BAHD1: variants seen among roughly 807,000 people sequenced by gnomAD.
BAHD1 encodes bromo adjacent homology domain-containing 1 protein.
Under a neutral mutation model 63.1 loss-of-function variants are expected in BAHD1, and 20 were observed. That is an observed-to-expected ratio of 0.32 (90% CI 0.22 to 0.46). BAHD1 has a LOEUF of 0.46. Ranked by LOEUF, BAHD1 falls within the 20% of genes least tolerant of loss-of-function variation. The pLI is 1.00. For missense variants in BAHD1, 939 were observed against 1,071.8 expected (o/e 0.88, Z 1.73); for synonymous variants, 408 against 426.8 (o/e 0.96, Z 0.54).
At chr15:40,461,247 G>A (rs1002210270) in intron 2 of BAHD1, among the ~76,000 whole-genome samples, 4 of 152,146 alleles carry the variant, frequency 2.6e-5, no homozygotes, top group Non-Finnish European at 5.9e-5. Context: ...TTGCTCTGAG[G>A]GGCAGAGTGA....
chr15:40,443,530 C>T (rs1893459029), intron 1 of BAHD1, among the ~76,000 whole-genome samples: 1 of 152,160 alleles, frequency 6.6e-6, no homozygotes, highest in African/African-American at 2.4e-5. Flanking sequence ...AATAGCATTT[C>T]CCTCTTTGGT....
intron 5 of BAHD1, chr15:40,465,089 G>T: frequency 1.9e-6 from 1 of 538,962 alleles, no homozygotes; most frequent in Non-Finnish European, 3.3e-6. Flanking sequence ...GCTGGGGTTT[G>T]GGAGGTCAGT....
In BAHD1 at chr15:40,448,655, G is replaced by GTAGTC. The variant is rs1893615007; in HGVS notation, c.-15+7387_-15+7388insTAGTC. Among the ~76,000 whole-genome samples, 3 of 152,078 alleles carry GTAGTC rather than the reference G, an allele frequency of 2.0e-5. No individual in the cohort carries two copies. The South Asian group carries it at 6.2e-4, about 32-fold the overall frequency. On this transcript the variant is annotated intron_variant, in intron 1 of 6. Coordinates refer to ENST00000416165, the MANE Select transcript of BAHD1 (RefSeq NM_014952.5). Reference sequence around the variant, plus strand: ...GGGCTCAAGTGATCCTCCCACCTCAGCCTCCTAAGTAGCTGGGACTACAGG... The same window carrying GTAGTC: ...GGGCTCAAGTGATCCTCCCACCTCAGTAGTCCCTCCTAAGTAGCTGGGACTACAGG...
At chr15:40,446,760 G>C (rs1893551187) in intron 1 of BAHD1, among the ~76,000 whole-genome samples, 1 of 152,144 alleles carries the variant, frequency 6.6e-6, no homozygotes, top group Non-Finnish European at 1.5e-5. Flanking sequence ...GTGGGTTTGG[G>C]GAAAAGAGGT....
At chr15:40,439,863 C>CGT (rs1426245799), upstream of BAHD1, 1 of 152,304 alleles carries the variant, frequency 6.6e-6, no homozygotes, top group African/African-American at 2.4e-5. Context: ...GCCTGCTGTG[C>CGT]CCACCCACCC....
In BAHD1 at chr15:40,464,544, C is replaced by T. The variant is rs749985434; in HGVS notation, c.2049C>T (p.His683=). The change falls in exon 5 of 7, where the codon CAC becomes CAT. Residue 683 remains histidine, a synonymous_variant. Coordinates refer to ENST00000416165, the MANE Select transcript of BAHD1 (RefSeq NM_014952.5). ...HLQGGRSPSM[H]EPLQNEVFAS... Reference sequence around the variant, plus strand: ...AGGGAGGCCGCAGTCCCAGCATGCACGAGGTGAGCTGCCTGGCAGATGGGT... The same window carrying T: ...AGGGAGGCCGCAGTCCCAGCATGCATGAGGTGAGCTGCCTGGCAGATGGGT... The T allele has an allele frequency of 5.6e-5, 91 of 1,612,578 alleles. No homozygotes were observed. Among genetic ancestry groups the T allele is most frequent in the Non-Finnish European group, 7.1e-5 (84 of 1,179,412 alleles).
In BAHD1 at chr15:40,461,587, C is replaced by CCAAG. The variant is rs538076858; in HGVS notation, c.1433-324_1433-321dup. Among the ~76,000 whole-genome samples the CCAAG allele has an allele frequency of 2.6e-3, 390 of 152,034 alleles. 3 individuals carry two copies. The highest frequency in any genetic ancestry group is 9.1e-3 in the African/African-American group (377 of 41,490). On this transcript the variant is annotated intron_variant, in intron 2 of 6. Transcript: ENST00000416165. ...CCCGAGAGGCGGAGGTTGCAGTGAG[C>CCAAG]CAAGATAGCACCACTGCACTCTAGC...
intron 4 of BAHD1, 101 bp downstream of exon 4, chr15:40,464,121 C>A: frequency 7.4e-6 from 10 of 1,345,656 alleles, no homozygotes; most frequent in Middle Eastern, 2.6e-4. Flanking sequence ...GCGTGAGTCT[C>A]CCCGTGTTCC....
rs767356263 is a variant in BAHD1 at position 40,458,509 on chromosome 15, C to T, written c.45C>T (p.Gly15=). 3.1e-6 allele frequency: 5 copies of T among 1,610,388 alleles called. No homozygotes were observed. The East Asian group carries it at 8.9e-5, about 29-fold the overall frequency. Residue 15 remains glycine (G), a synonymous_variant, in exon 2 of 7, where the codon GGC becomes GGT. Coordinates refer to ENST00000416165, the MANE Select transcript of BAHD1 (RefSeq NM_014952.5). This position sits in a 1 kb window ranked among gnomAD's most constrained non-coding sequence, Gnocchi z 4.7. ...AGTCCCTTCCCATGCTGAGTTCGGGCCTCACTGGCCGCCGAGAGCCCCTGC... is the reference window on the plus strand; with the variant it reads ...AGTCCCTTCCCATGCTGAGTTCGGGTCTCACTGGCCGCCGAGAGCCCCTGC... The part of the protein sequence containing the change: ...RRKSLPMLSS[G]LTGRREPLQM...
chr15:40,452,050 A>T (rs1248045793), intron 1 of BAHD1, among the ~76,000 whole-genome samples: 1 of 152,190 alleles, frequency 6.6e-6, no homozygotes, highest in Non-Finnish European at 1.5e-5. Flanking sequence ...TAGATATGAG[A>T]GGTATACTCT....
In BAHD1 at chr15:40,459,539, G is replaced by C; in HGVS notation, c.1075G>C (p.Gly359Arg). ...TPQLSPLPMP[G>R]NPADYNGLCV... ...TCAGCTGTCGCCGCTGCCGATGCCT[G>C]GCAACCCCGCCGACTACAATGGCCT... is the stretch of plus-strand genomic sequence containing the variant. The change falls in exon 2 of 7, where the codon GGC (glycine) becomes CGC (arginine). Residue 359 changes from glycine to arginine, a missense_variant. Gly to Arg is a moderately radical substitution (Grantham distance 125). This residue lies in a region of BAHD1 where 797 missense variants were observed against 813.3 expected (regional missense o/e 0.98). Coordinates refer to ENST00000416165, the MANE Select transcript of BAHD1 (RefSeq NM_014952.5). 1.2e-6 allele frequency: 2 copies of C among 1,614,124 alleles called. No homozygotes were observed. Among genetic ancestry groups the C allele is most frequent in the Non-Finnish European group, 1.7e-6 (2 of 1,180,022 alleles).
At chr15:40,457,802 G>A (rs1893892403) in intron 1 of BAHD1, among the ~76,000 whole-genome samples, 1 of 152,222 alleles carries the variant, frequency 6.6e-6, no homozygotes, top group African/African-American at 2.4e-5. Context: ...GAGGTCAGGA[G>A]ATCGAGACCA....
chr15:40,462,182 G>C lies in BAHD1; in HGVS notation c.1703G>C (p.Ser568Thr). ...AGGAGCAAGGCTGCCCGCAGGCCTA[G>C]CCACCCCAAGCAGCCACGTGTCCAG... is the stretch of plus-strand genomic sequence containing the variant. ...TARSKAARRP[S>T]HPKQPRVQRP... Residue 568 changes from serine to threonine, a missense_variant, in exon 3 of 7, where the codon AGC (serine) becomes ACC (threonine). By Grantham distance (58) the Ser-to-Thr change is moderately conservative (BLOSUM62 1). Around this residue, in one of 5 missense-constraint regions of BAHD1, gnomAD observed 797 missense variants for 813.3 expected, o/e 0.98. Coordinates refer to ENST00000416165, the MANE Select transcript of BAHD1 (RefSeq NM_014952.5). 6.2e-7 allele frequency: 1 copy of C among 1,612,252 alleles called. No individual in the cohort carries two copies. The highest frequency in any genetic ancestry group is 8.5e-7 in the Non-Finnish European group (1 of 1,179,922).
At position 40,459,725 on chromosome 15, in the gene BAHD1, T is replaced by C. The variant is rs773282258; in HGVS notation, c.1261T>C (p.Ser421Pro). ...HEEGLLLAPSSVPSGTPFQHP... is the reference protein window; with the variant it reads ...HEEGLLLAPSPVPSGTPFQHP... ...GGAGGGGCTCCTCTTAGCTCCGAGC[T>C]CAGTGCCCTCAGGCACCCCTTTCCA... The change falls in exon 2 of 7, where the codon TCA (serine) becomes CCA (proline). Residue 421 changes from serine (S) to proline (P), a missense_variant. Physicochemically the swap from Ser to Pro is moderately conservative, Grantham distance 74. Around this residue, in one of 5 missense-constraint regions of BAHD1, gnomAD observed 797 missense variants for 813.3 expected, o/e 0.98. Coordinates refer to ENST00000416165, the MANE Select transcript of BAHD1 (RefSeq NM_014952.5). The C allele has an allele frequency of 6.2e-6, 10 of 1,613,878 alleles. No individual in the cohort carries two copies. The African/African-American group carries it at 1.2e-4, about 19-fold the overall frequency.
intron 4 of BAHD1, 133 bp downstream of exon 4, chr15:40,464,153 C>G (rs1041984028): frequency 3.5e-5 from 39 of 1,124,182 alleles, no homozygotes; most frequent in Non-Finnish European, 4.9e-5. Context: ...CTGCCTTCCA[C>G]TCGGCTGGGG....
chr15:40,466,298 G>A lies in BAHD1; in HGVS notation c.*168G>A. ...CCCCTGTGGGTTCTGGGCTCCAGGG[G>A]AGGGAGCTGGGGAGGCCAGGGTATA... On this transcript the variant is annotated 3_prime_UTR_variant, in exon 7 of 7. Coordinates refer to ENST00000416165, the MANE Select transcript of BAHD1 (RefSeq NM_014952.5). The A allele has an allele frequency of 1.6e-6, 1 of 635,746 alleles. No individual in the cohort carries two copies. The highest frequency in any genetic ancestry group is 2.6e-6 in the Non-Finnish European group (1 of 379,842). 39.4% of individuals were successfully genotyped at this position (635,746 alleles called of 1,614,324 possible).
chr15:40,463,286 C>CA (rs1894105358), intron 3 of BAHD1, among the ~76,000 whole-genome samples: 1 of 152,336 alleles, frequency 6.6e-6, no homozygotes, highest in Admixed American at 6.5e-5. Context: ...GCCTGGGTGA[C>CA]AGAGTGAGAC....
rs1387157718 is a variant in BAHD1, at chr15:40,459,512, C to T, written c.1048C>T (p.Pro350Ser). Residue 350 changes from proline (P) to serine (S), a missense_variant, in exon 2 of 7, where the codon CCT (proline) becomes TCT (serine). By Grantham distance (74) the Pro-to-Ser change is moderately conservative. This residue lies in a region of BAHD1 where 797 missense variants were observed against 813.3 expected (regional missense o/e 0.98). Coordinates refer to ENST00000416165, the MANE Select transcript of BAHD1 (RefSeq NM_014952.5). ...ACTGCATCAGCCCTCTTTCCCCACA[C>T]CTCAGCTGTCGCCGCTGCCGATGCC... Reference protein sequence around the residue: ...QELHQPSFPTPQLSPLPMPGN... With the variant: ...QELHQPSFPTSQLSPLPMPGN... 1 of 1,614,126 alleles carries T rather than the reference C, an allele frequency of 6.2e-7. No homozygotes were observed. Among genetic ancestry groups the T allele is most frequent in the East Asian group, 2.2e-5 (1 of 44,888 alleles).
chr15:40,464,654 C>T, intron 5 of BAHD1, 107 bp downstream of exon 5: 1 of 915,964 alleles, frequency 1.1e-6, no homozygotes, highest in Non-Finnish European at 1.7e-6. Flanking sequence ...AGTCAAATCC[C>T]TGCGCTTGTC....
Sources: gnomAD v4.1 joint callset for allele counts (sites outside exome capture counted in the v4.1 genomes callset) on GRCh38, gnomAD v4.1.1 for gene constraint, gnomAD v4.1.1 regional missense constraint, Gnocchi (gnomAD v3.1) non-coding constraint, MANE v1.5 for transcripts, NCBI Gene and HGNC (gene_info 2026-07-23, HGNC 2026-07-21) for gene names.